Variants in CCDC144A observed in about 807,000 individuals in gnomAD.
CCDC144A encodes the protein coiled-coil domain-containing protein 144A.
Under a neutral mutation model 143.8 loss-of-function variants are expected in CCDC144A, and 41 were observed. The observed-to-expected ratio is 0.29, with a 90% confidence interval of 0.22 to 0.37. CCDC144A has a LOEUF of 0.37. Ranked by LOEUF, CCDC144A falls within the 10% of genes least tolerant of loss-of-function variation. CCDC144A has a pLI of 1.00. For missense variants in CCDC144A, 637 were observed against 1,488.8 expected (o/e 0.43, Z 9.41); for synonymous variants, 242 against 517.9 (o/e 0.47, Z 7.23).
intron 12 of CCDC144A, among the ~76,000 whole-genome samples, chr17:16,739,864 A>G (rs1465506980): frequency 1.3e-5 from 2 of 151,292 alleles, no homozygotes; most frequent in Non-Finnish European, 2.9e-5. Flanking sequence ...AAATTCAAGT[A>G]GTAGAATGTC....
chr17:16,722,629 A>G (rs1002883545), intron 8 of CCDC144A, among the ~76,000 whole-genome samples: 3 of 152,164 alleles, frequency 2.0e-5, no homozygotes, highest in Non-Finnish European at 4.4e-5. Context: ...GTATTATTCA[A>G]AGTAATTTCA....
At chr17:16,713,739 A>G (rs1185960424) in intron 6 of CCDC144A, among the ~76,000 whole-genome samples, 2 of 152,210 alleles carry the variant, frequency 1.3e-5, no homozygotes, top group Non-Finnish European at 2.9e-5. Flanking sequence ...AATGCCATAT[A>G]GATATGATTT....
intron 12 of CCDC144A, among the ~76,000 whole-genome samples, chr17:16,742,261 C>T (rs1914290702): frequency 6.6e-6 from 1 of 152,124 alleles, no homozygotes; most frequent in South Asian, 2.1e-4. Context: ...TCTCTACTTC[C>T]GTGAACTTTT....
At chr17:16,700,305 A>G (rs995531998) in intron 2 of CCDC144A, among the ~76,000 whole-genome samples, 1 of 152,148 alleles carries the variant, frequency 6.6e-6, no homozygotes, top group Admixed American at 6.5e-5. Context: ...TGTCTACCTT[A>G]CCAGAGTTTC....
rs1915915477 is a variant in CCDC144A, at chr17:16,773,841, T to C, written c.*208T>C. On this transcript the variant is annotated 3_prime_UTR_variant, in exon 17 of 17. Transcript: ENST00000399273. ...AAAACCAGTATTACTGAGTTTTACA[T>C]ACTCGAACTGCCCAAATGTTTGCTG... The C allele has an allele frequency of 8.1e-6, 4 of 492,956 alleles. No homozygotes were observed. The Admixed American group carries it at 1.6e-4, about 20-fold the overall frequency. 30.5% of individuals were successfully genotyped at this position (492,956 alleles called of 1,614,324 possible).
chr17:16,689,220 G>A (rs887819701), upstream of CCDC144A, among the ~76,000 whole-genome samples: 1 of 151,188 alleles, frequency 6.6e-6, no homozygotes, highest in Non-Finnish European at 1.5e-5. Flanking sequence ...TTTTGAGACG[G>A]AGTCTTGCTC....
At chr17:16,748,635 T>C (rs1322017574) in intron 12 of CCDC144A, among the ~76,000 whole-genome samples, 1 of 152,206 alleles carries the variant, frequency 6.6e-6, no homozygotes, top group Non-Finnish European at 1.5e-5. Flanking sequence ...ATCTCCTCAA[T>C]ATTTTGGAAT....
At chr17:16,675,269 GAAA>G in the CCDC144A span, among the ~76,000 whole-genome samples, 3 of 90,056 alleles carry the variant, frequency 3.3e-5, no homozygotes, top group Admixed American at 1.3e-4. Context: ...ACTCCATCTT[GAAA>G]AAAAAAAAAA....
intron 8 of CCDC144A, among the ~76,000 whole-genome samples, chr17:16,721,160 T>C (rs552238110): frequency 0.031 from 4,752 of 152,056 alleles, 237 homozygotes; most frequent in African/African-American, 0.11. Flanking sequence ...TCCCACTCTG[T>C]GTCTTATATG....
Position 16,711,688 on chromosome 17 carries a change from G to C in CCDC144A, c.1588G>C (p.Glu530Gln). 1 of 1,606,772 alleles carries C rather than the reference G, an allele frequency of 6.2e-7. No individual in the cohort carries two copies. The highest frequency in any genetic ancestry group is 2.2e-5 in the East Asian group (1 of 44,846). The change falls in exon 6 of 17, where the codon GAA (glutamate) becomes CAA (glutamine). Residue 530 changes from glutamate (E) to glutamine (Q), a missense_variant. Transcript: ENST00000399273. ...CAAACTCTCACTCAAGGTTGAAGAAGAAATGGAGAAGCACAGAAGTAATAG... is the reference window on the plus strand; with the variant it reads ...CAAACTCTCACTCAAGGTTGAAGAACAAATGGAGAAGCACAGAAGTAATAG... The part of the protein sequence containing the change: ...DVQLHKDVEE[E>Q]MEKHRSNSTE...
intron 4 of CCDC144A, 53 bp from the exon 5 acceptor site, chr17:16,708,743 A>G: frequency 6.2e-7 from 1 of 1,610,380 alleles, no homozygotes; most frequent in Non-Finnish European, 8.5e-7. Context: ...CCAACAGAGA[A>G]GACACCCAAG....
chr17:16,712,731 A>G (rs1208342301), intron 6 of CCDC144A, among the ~76,000 whole-genome samples: 1 of 152,204 alleles, frequency 6.6e-6, no homozygotes, highest in Non-Finnish European at 1.5e-5. Flanking sequence ...GAAATAGTAC[A>G]ATTGTCATAC....
chr17:16,759,157 G>A (rs545713677), intron 12 of CCDC144A, among the ~76,000 whole-genome samples: 54 of 152,298 alleles, frequency 3.5e-4, no homozygotes, highest in African/African-American at 1.3e-3. Context: ...ATGCTCCTCA[G>A]ATTAGGATGG....
chr17:16,699,031 T>C (rs1911571073), intron 2 of CCDC144A, among the ~76,000 whole-genome samples: 1 of 152,184 alleles, frequency 6.6e-6, no homozygotes, highest in South Asian at 2.1e-4. Flanking sequence ...CTGCTTCCTT[T>C]TGAATTCCAT....
intron 15 of CCDC144A, chr17:16,765,877 T>C (rs1471238176): frequency 2.6e-5 from 4 of 152,348 alleles, no homozygotes; most frequent in Non-Finnish European, 4.4e-5. Context: ...CGTCTGTAAA[T>C]GGTTAAGCAA....
rs779110687 is a variant in CCDC144A, at chr17:16,772,024, G to T, written c.4141+5G>T. On this transcript the variant is annotated splice_donor_5th_base_variant and intron_variant, in intron 16 of 16. Coordinates refer to ENST00000399273, the MANE Select transcript of CCDC144A (RefSeq NM_001382000.1). Reference sequence around the variant, plus strand: ...ATCTAACTGCAGAAGTAGCAGGTATGTTACCAAAATTTATGAATTAAATTT... The same window carrying T: ...ATCTAACTGCAGAAGTAGCAGGTATTTTACCAAAATTTATGAATTAAATTT... The T allele has an allele frequency of 1.3e-6, 2 of 1,530,486 alleles. No homozygotes were observed. The highest frequency in any genetic ancestry group is 2.8e-5 in the African/African-American group (2 of 72,228). The allele number at this position is 1,530,486 out of a possible 1,614,324, so 94.8% of individuals were successfully genotyped here. A position where few individuals can be genotyped will look rare whatever the true frequency, so the allele number is the denominator to read the frequency against.
At chr17:16,749,704 T>C (rs957916123) in intron 12 of CCDC144A, among the ~76,000 whole-genome samples, 4 of 152,222 alleles carry the variant, frequency 2.6e-5, no homozygotes, top group Non-Finnish European at 5.9e-5. Context: ...AGATCCCCAC[T>C]GTTATTGTGT....
intron 15 of CCDC144A, chr17:16,765,807 C>T (rs950567244): frequency 2.0e-5 from 3 of 152,222 alleles, no homozygotes; most frequent in African/African-American, 7.2e-5. Flanking sequence ...TGATCAGCGT[C>T]CAAATGCCTC....
At chr17:16,688,484 G>GTTTT (rs66493875), upstream of CCDC144A, among the ~76,000 whole-genome samples, 307 of 71,602 alleles carry the variant, frequency 4.3e-3, 16 homozygotes, top group African/African-American at 0.011. Context: ...TTCTTTTTCT[G>GTTTT]TTTTTTTTTT....
Sources: gnomAD v4.1 joint callset for allele counts (sites outside exome capture counted in the v4.1 genomes callset) on GRCh38, gnomAD v4.1.1 for gene constraint, MANE v1.5 for transcripts, NCBI Gene and HGNC (gene_info 2026-07-23, HGNC 2026-07-21) for gene names.